Variants in PDS5A observed in about 807,000 individuals in gnomAD.
PDS5A encodes the protein PDS5 cohesin associated factor A.
Under a neutral mutation model 167.1 loss-of-function variants are expected in PDS5A, and 42 were observed. That is an observed-to-expected ratio of 0.25 (90% CI 0.20 to 0.33). The LOEUF (loss-of-function observed/expected upper bound fraction) is 0.33, where lower values mean the gene tolerates loss of function less well. PDS5A is among the 10% of genes least tolerant of loss of function. The pLI is 1.00. For synonymous variants in PDS5A, 553 were observed against 554.6 expected, an observed-to-expected ratio of 1.00 and a Z score of 0.04; for missense variants, 1,033 against 1,605.9, an observed-to-expected ratio of 0.64 and a Z score of 6.10.
chr4:39,879,924 A>G (rs992686473), intron 17 of PDS5A, 91 bp from the exon 18 acceptor site: 3 of 689,650 alleles, frequency 4.4e-6, no homozygotes, highest in Non-Finnish European at 7.2e-6. Flanking sequence ...GAACCTTAAA[A>G]TATTAAATTC....
At chr4:39,866,839 T>C (rs775910426) in intron 23 of PDS5A, 22 bp downstream of exon 23, 33 of 1,593,406 alleles carry the variant, frequency 2.1e-5, no homozygotes, top group Non-Finnish European at 2.8e-5. Context: ...CTAAGAAAAC[T>C]GGAAAGAAAG....
intron 32 of PDS5A, chr4:39,836,972 C>T (rs1716479492): frequency 6.9e-6 from 1 of 144,702 alleles, no homozygotes; most frequent in East Asian, 2.1e-4. Flanking sequence ...CCACACCTGG[C>T]TAACTTTTTG....
chr4:39,950,044 T>C (rs1728199505), intron 2 of PDS5A, among the ~76,000 whole-genome samples: 1 of 151,940 alleles, frequency 6.6e-6, no homozygotes, highest in African/African-American at 2.4e-5. Context: ...TAGCTGGGAT[T>C]ACAGGCATGC....
intron 5 of PDS5A, among the ~76,000 whole-genome samples, chr4:39,923,338 A>G (rs1424305185): frequency 1.3e-5 from 2 of 150,608 alleles, no homozygotes; most frequent in Non-Finnish European, 3.0e-5. Context: ...AATTAAAAAA[A>G]AAAAAAAAGA....
chr4:39,869,646 C>A (rs921823154), intron 21 of PDS5A, among the ~76,000 whole-genome samples, 184 bp from the exon 22 acceptor site: 2 of 152,114 alleles, frequency 1.3e-5, no homozygotes, highest in African/African-American at 4.8e-5. Flanking sequence ...TACTATAAAA[C>A]CTACAGTAAT....
intron 28 of PDS5A, chr4:39,846,109 T>C (rs570546313): frequency 3.4e-6 from 1 of 294,642 alleles, no homozygotes; most frequent in South Asian, 1.3e-4. Context: ...CAAAGATAAA[T>C]TTCCTAAATC....
At chr4:39,838,250 A>T in intron 31 of PDS5A, 42 bp from the exon 32 acceptor site, 1 of 1,274,560 alleles carries the variant, frequency 7.8e-7, no homozygotes, top group Non-Finnish European at 1.1e-6. Context: ...AAATTCCTTA[A>T]ATATTAATGA....
At chr4:39,976,244 T>G in intron 2 of PDS5A, 196 bp downstream of exon 2, 1 of 401,618 alleles carries the variant, frequency 2.5e-6, no homozygotes, top group Non-Finnish European at 4.4e-6. Flanking sequence ...AAAATCACAC[T>G]CCTTTTAAAT....
At position 39,917,078 on chromosome 4, in the gene PDS5A, G is replaced by A. The variant is rs759456638; in HGVS notation, c.846C>T (p.Ser282=). 7 of 1,535,772 alleles carry A rather than the reference G, an allele frequency of 4.6e-6. No homozygotes were observed. Among genetic ancestry groups the A allele is most frequent in the African/African-American group, 1.4e-5 (1 of 70,464 alleles). ...LFAIDPHLLL[S]VMPQLEFKLK... is the part of the protein sequence containing the mutation. The stretch of plus-strand genomic sequence containing the variant: ...GTTTGAATTCAAGCTGTGGCATGAC[G>A]GATAATAATAAATGAGGATCTATAG... The change falls in exon 8 of 33, where the codon TCC becomes TCT. Residue 282 remains serine (S), a synonymous_variant. Transcript: ENST00000303538.
intron 26 of PDS5A, among the ~76,000 whole-genome samples, chr4:39,852,141 T>A (rs1192180069): frequency 6.6e-6 from 1 of 152,216 alleles, no homozygotes; most frequent in Non-Finnish European, 1.5e-5. Context: ...CTGAGACTAA[T>A]GTGCTATCTA....
chr4:39,942,665 A>G (rs1456126957), intron 2 of PDS5A, among the ~76,000 whole-genome samples: 1 of 152,128 alleles, frequency 6.6e-6, no homozygotes, highest in East Asian at 1.9e-4. Flanking sequence ...GGCTCAAGCG[A>G]TACACCTGCC....
At chr4:39,908,770 T>C (rs905188874) in intron 10 of PDS5A, 1 of 461,970 alleles carries the variant, frequency 2.2e-6, no homozygotes, top group Non-Finnish European at 3.8e-6. Flanking sequence ...ACAACTGTAA[T>C]ACCAGCACTT....
At chr4:39,956,241 A>T (rs537398694) in intron 2 of PDS5A, among the ~76,000 whole-genome samples, 12 of 152,142 alleles carry the variant, frequency 7.9e-5, no homozygotes, top group Non-Finnish European at 1.5e-4. Flanking sequence ...CTGTAATCCC[A>T]GCACTTTTGG....
chr4:39,964,071 A>G (rs1413940470), intron 2 of PDS5A, among the ~76,000 whole-genome samples: 1 of 144,592 alleles, frequency 6.9e-6, no homozygotes, highest in African/African-American at 2.4e-5. Context: ...ACAGAATTCA[A>G]ATTTAACTAA....
intron 2 of PDS5A, among the ~76,000 whole-genome samples, chr4:39,930,246 A>AAATTTTTTT: frequency 9.7e-5 from 9 of 93,154 alleles, no homozygotes; most frequent in South Asian, 4.4e-4. Context: ...AAAAAAAAAA[A>AAATTTTTTT]GTTTTTTTGT....
intron 2 of PDS5A, among the ~76,000 whole-genome samples, chr4:39,968,101 T>G (rs1280022628): frequency 6.6e-6 from 1 of 152,158 alleles, no homozygotes; most frequent in Non-Finnish European, 1.5e-5. Flanking sequence ...TTTGCACAGC[T>G]ATTTATAAGT....
At chr4:39,951,882 A>G (rs574402029) in intron 2 of PDS5A, among the ~76,000 whole-genome samples, 28 of 136,386 alleles carry the variant, frequency 2.1e-4, no homozygotes, top group South Asian at 1.3e-3. Context: ...CCTGGGTGAC[A>G]GAGCAGAGTC....
At chr4:39,959,381 T>C (rs539039548) in intron 2 of PDS5A, among the ~76,000 whole-genome samples, 2 of 152,270 alleles carry the variant, frequency 1.3e-5, no homozygotes, top group South Asian at 2.1e-4. Flanking sequence ...GAGATAGGTA[T>C]CTCACTGTCG....
At chr4:39,943,710 G>C (rs1259946089) in intron 2 of PDS5A, among the ~76,000 whole-genome samples, 1 of 151,892 alleles carries the variant, frequency 6.6e-6, no homozygotes. Flanking sequence ...GGGGGGCTGA[G>C]GCATAAGAAT....
Sources: allele counts gnomAD v4.1 joint callset (sites outside exome capture counted in the v4.1 genomes callset), GRCh38; gene constraint gnomAD v4.1.1; transcripts MANE v1.5; gene names NCBI Gene and HGNC (gene_info 2026-07-23, HGNC 2026-07-21).